PSPC1: variants seen among roughly 807,000 people sequenced by gnomAD.
PSPC1 encodes the protein paraspeckle component 1, also known as paraspeckle protein 1.
Under a neutral mutation model 51.6 loss-of-function variants are expected in PSPC1, and 14 were observed. The observed-to-expected ratio is 0.27, with a 90% CI of 0.18 to 0.42. The LOEUF (loss-of-function observed/expected upper bound fraction) is 0.42, where lower values mean the gene tolerates loss of function less well. Ranked by LOEUF, PSPC1 falls within the 10% of genes least tolerant of loss-of-function variation. The pLI, the probability that PSPC1 is intolerant of heterozygous loss-of-function variation, is 1.00. For missense variants in PSPC1, 406 were observed against 701.1 expected (o/e 0.58, Z 4.75); for synonymous variants, 193 against 231.9 (o/e 0.83, Z 1.53).
chr13:19,759,316 A>T lies in PSPC1; in HGVS notation c.770+7T>A, dbSNP rs781097240. ...CAGACACAAATTATCTATTAATAAAATCTTACTTATGATATTGTTGAGTTT... is the reference window on the plus strand; with the variant it reads ...CAGACACAAATTATCTATTAATAAATTCTTACTTATGATATTGTTGAGTTT... On this transcript the variant is annotated splice_region_variant and intron_variant, in intron 3 of 8. Coordinates refer to ENST00000338910, the MANE Select transcript of PSPC1 (RefSeq NM_001354909.2). 2 of 1,603,322 alleles carry T rather than the reference A, an allele frequency of 1.2e-6. No individual in the cohort carries two copies. The highest frequency in any genetic ancestry group is 1.7e-6 in the Non-Finnish European group (2 of 1,170,264).
intron 1 of PSPC1, among the ~76,000 whole-genome samples, chr13:19,776,863 T>C (rs1190320984): frequency 2.7e-5 from 4 of 148,880 alleles, no homozygotes; most frequent in African/African-American, 4.9e-5. Flanking sequence ...TGGTGGCTCA[T>C]GCCTGTAATC....
intron 3 of PSPC1, among the ~76,000 whole-genome samples, chr13:19,758,045 T>C (rs1351915862): frequency 2.0e-5 from 3 of 152,070 alleles, no homozygotes; most frequent in Non-Finnish European, 4.4e-5. Context: ...CTGGGTGCGG[T>C]GGCTCACGCC....
chr13:19,755,108 T>C (rs953561034), intron 3 of PSPC1, among the ~76,000 whole-genome samples: 7 of 151,546 alleles, frequency 4.6e-5, no homozygotes, highest in African/African-American at 1.2e-4. Flanking sequence ...GTGGCCCACA[T>C]CTGTAGTCCC....
At position 19,749,637 on chromosome 13, in the gene PSPC1, CT is replaced by C. The variant is rs59422281; in HGVS notation, c.967+1633del. On this transcript the variant is annotated intron_variant, in intron 4 of 8. Coordinates refer to ENST00000338910, the MANE Select transcript of PSPC1 (RefSeq NM_001354909.2). ...TTCCACAAAATAAAAGACAGTTTATCTTTTTTTTTTTTTTTGAAATGGAGTC... is the reference window on the plus strand; with the variant it reads ...TTCCACAAAATAAAAGACAGTTTATCTTTTTTTTTTTTTTGAAATGGAGTC... 5.0e-3 allele frequency among the ~76,000 whole-genome samples: 695 copies of C among 138,264 alleles called. 1 individual carries two copies. The highest frequency in any genetic ancestry group is 6.8e-3 in the Non-Finnish European group (443 of 65,292). The allele number at this position is 138,264 out of a possible 152,430, so 90.7% of individuals were successfully genotyped here. A position where few individuals can be genotyped will look rare whatever the true frequency, so the allele number is the denominator to read the frequency against.
Position 19,741,545 on chromosome 13 carries a change from T to C in PSPC1, c.1052+20A>G, listed in dbSNP as rs1267032886. The C allele has an allele frequency of 6.6e-7, 1 of 1,508,092 alleles. No individual in the cohort carries two copies. The highest frequency in any genetic ancestry group is 1.4e-5 in the African/African-American group (1 of 71,550). 93.4% of individuals were successfully genotyped at this position (1,508,092 alleles called of 1,614,324 possible). A position where few individuals can be genotyped will look rare whatever the true frequency, so the allele number is the denominator to read the frequency against. On this transcript the variant is annotated intron_variant, in intron 5 of 8. Transcript: ENST00000338910. ...TAATAAGACATACAATTCATGTTTC[T>C]TAAAATGATCTTCTTTTACCTTAGT... is the stretch of plus-strand genomic sequence containing the variant.
At chr13:19,672,724 T>A (rs1876205176), downstream of PSPC1, 1 of 163,906 alleles carries the variant, frequency 6.1e-6, no homozygotes, top group East Asian at 1.7e-4. Flanking sequence ...TCACTTATCA[T>A]CTTTTCAAAG....
intron 6 of PSPC1, among the ~76,000 whole-genome samples, chr13:19,687,053 T>A (rs956492272): frequency 6.6e-6 from 1 of 151,956 alleles, no homozygotes; most frequent in Non-Finnish European, 1.5e-5. Context: ...AAATAAAAAA[T>A]TAGCTGGGCA....
chr13:19,772,495 T>C lies in PSPC1; in HGVS notation c.421A>G (p.Ile141Val). 1 of 1,614,080 alleles carries C rather than the reference T, an allele frequency of 6.2e-7. No homozygotes were observed. Among genetic ancestry groups the C allele is most frequent in the South Asian group, 1.1e-5 (1 of 91,084 alleles). The change falls in exon 2 of 9, where the codon ATT (isoleucine) becomes GTT (valine). Residue 141 changes from isoleucine to valine, a missense_variant. Physicochemically the swap from Ile to Val is conservative, Grantham distance 29. This residue lies in a region of PSPC1 where 180 missense variants were observed against 337.9 expected (regional missense o/e 0.53). Transcript: ENST00000338910. ...ATCCGTAGAGGTCTGCTCTTGAGAATGGTGCCGTCCAGCTCTGCTTTTGCA... is the reference window on the plus strand; with the variant it reads ...ATCCGTAGAGGTCTGCTCTTGAGAACGGTGCCGTCCAGCTCTGCTTTTGCA... ...EIAKAELDGTILKSRPLRIRF... is the reference protein window; with the variant it reads ...EIAKAELDGTVLKSRPLRIRF...
chr13:19,687,798 C>T (rs1274125236), intron 6 of PSPC1, among the ~76,000 whole-genome samples: 1 of 152,106 alleles, frequency 6.6e-6, no homozygotes, highest in Non-Finnish European at 1.5e-5. Flanking sequence ...CACTGCCAAT[C>T]CCTAGGTATA....
intron 6 of PSPC1, among the ~76,000 whole-genome samples, chr13:19,693,525 T>A (rs1878814401): frequency 6.6e-6 from 1 of 152,196 alleles, no homozygotes; most frequent in South Asian, 2.1e-4. Flanking sequence ...ATGACGGATA[T>A]TCTAGAAGGA....
chr13:19,752,276 T>C (rs1464420862), intron 3 of PSPC1, among the ~76,000 whole-genome samples: 2 of 152,282 alleles, frequency 1.3e-5, no homozygotes, highest in East Asian at 3.9e-4. Context: ...ATTGACGACA[T>C]CAAATGTGGC....
At chr13:19,718,660 T>G (rs1309866257) in intron 6 of PSPC1, among the ~76,000 whole-genome samples, 38 of 152,062 alleles carry the variant, frequency 2.5e-4, no homozygotes, top group African/African-American at 9.2e-4. Context: ...CAAACTTATG[T>G]CTACACAAAA....
intron 4 of PSPC1, among the ~76,000 whole-genome samples, chr13:19,747,253 A>G (rs970941218): frequency 1.3e-5 from 2 of 152,236 alleles, no homozygotes; most frequent in African/African-American, 4.8e-5. Context: ...CATATAAAAG[A>G]ATATCATACA....
At chr13:19,734,125 T>C (rs1884478047) in intron 5 of PSPC1, among the ~76,000 whole-genome samples, 2 of 152,168 alleles carry the variant, frequency 1.3e-5, no homozygotes, top group African/African-American at 4.8e-5. Context: ...GTTGTCCATA[T>C]ATGTTTGCTT....
intron 6 of PSPC1, among the ~76,000 whole-genome samples, chr13:19,687,437 A>C (rs1878038145): frequency 6.6e-6 from 1 of 152,142 alleles, no homozygotes; most frequent in Non-Finnish European, 1.5e-5. Context: ...TGACACTGGC[A>C]AACTTTTGTG....
chr13:19,755,092 G>C (rs997778749), intron 3 of PSPC1, among the ~76,000 whole-genome samples: 11 of 151,914 alleles, frequency 7.2e-5, no homozygotes, highest in African/African-American at 2.7e-4. Flanking sequence ...AAATGAGACG[G>C]GCATGGTGGC....
At chr13:19,672,102 T>C (rs1261611140), downstream of PSPC1, 9 of 559,802 alleles carry the variant, frequency 1.6e-5, no homozygotes, top group Non-Finnish European at 2.6e-5. Flanking sequence ...TTTTCCACAA[T>C]GTGGATAGTA....
chr13:19,713,263 CCAA>C (rs1555232331), intron 6 of PSPC1, among the ~76,000 whole-genome samples: 1 of 152,022 alleles, frequency 6.6e-6, no homozygotes, highest in Non-Finnish European at 1.5e-5. Flanking sequence ...TTATTTGTAA[CCAA>C]CATCTCAAAA....
intron 6 of PSPC1, among the ~76,000 whole-genome samples, chr13:19,713,545 C>CAAAAAAAA (rs61024238): frequency 3.4e-5 from 3 of 87,222 alleles, no homozygotes; most frequent in Non-Finnish European, 4.2e-5. Context: ...CCCAGACAGC[C>CAAAAAAAA]AAAAAAAAAA....
Sources: allele counts gnomAD v4.1 joint callset (sites outside exome capture counted in the v4.1 genomes callset), GRCh38; gene constraint gnomAD v4.1.1; regional missense constraint gnomAD v4.1.1; transcripts MANE v1.5; gene names NCBI Gene and HGNC (gene_info 2026-07-23, HGNC 2026-07-21).